The following DOK7 variants were observed in gnomAD, a reference collection of about 807,000 sequenced individuals.
DOK7 encodes the protein docking protein 7.
In DOK7, 32 loss-of-function variants were observed where a neutral mutation model predicts 30.7. The observed-to-expected ratio is 1.04, with a 90% CI of 0.79 to 1.40. The LOEUF (loss-of-function observed/expected upper bound fraction) is 1.40, where lower values mean the gene tolerates loss of function less well. Among genes scored for constraint, DOK7 ranks in the 40% most tolerant of loss-of-function variants. The probability of loss-of-function intolerance (pLI) is 0.00; values close to 1 mark genes in which losing one functional copy is unlikely to be tolerated. For synonymous variants in DOK7, 447 were observed against 324.1 expected, an observed-to-expected ratio of 1.38 and a Z score of -4.07; for missense variants, 1,007 against 699.2, an observed-to-expected ratio of 1.44 and a Z score of -4.97.
At chr4:3,475,215 T>C (rs993707684) in intron 3 of DOK7, among the ~76,000 whole-genome samples, 5 of 152,162 alleles carry the variant, frequency 3.3e-5, no homozygotes, top group Non-Finnish European at 7.3e-5. Context: ...CGTTGGGGGT[T>C]CCCTCCAGCC....
At chr4:3,483,983 C>T (rs185031447) in intron 4 of DOK7, among the ~76,000 whole-genome samples, 222 of 152,344 alleles carry the variant, frequency 1.5e-3, no homozygotes, top group Middle Eastern at 3.4e-3. Flanking sequence ...GCATTGGCCT[C>T]CCCTCCATGC....
chr4:3,500,779 A>AGGAGCAGCTGTC (rs1560242911), exon 8 of DOK7: 6 of 1,534,004 alleles, frequency 3.9e-6, no homozygotes, highest in Admixed American at 2.0e-5. Flanking sequence ...CGGGCCCGGG[A>AGGAGCAGCTGTC]GGAGCAGCTG....
At chr4:3,468,642 G>A (rs1233556175) in intron 2 of DOK7, among the ~76,000 whole-genome samples, 1 of 143,160 alleles carries the variant, frequency 7.0e-6, no homozygotes. Context: ...ATATGCCTGT[G>A]TGTGTGCATG....
At chr4:3,495,596 T>C (rs1577188654), downstream of DOK7, among the ~76,000 whole-genome samples, 1 of 152,182 alleles carries the variant, frequency 6.6e-6, no homozygotes, top group Non-Finnish European at 1.5e-5. Flanking sequence ...CAGCCCAGGG[T>C]CTCCAGCCTC....
At chr4:3,485,844 T>G (rs898760938) in intron 5 of DOK7, among the ~76,000 whole-genome samples, 186 bp downstream of exon 5, 6 of 152,232 alleles carry the variant, frequency 3.9e-5, no homozygotes, top group Admixed American at 3.9e-4. Flanking sequence ...TGCTGAGGGA[T>G]TCAGAGCAGC....
At chr4:3,489,516 A>G (rs1728033366) in intron 5 of DOK7, among the ~76,000 whole-genome samples, 161 bp from the exon 6 acceptor site, 1 of 152,034 alleles carries the variant, frequency 6.6e-6, no homozygotes, top group Non-Finnish European at 1.5e-5. Flanking sequence ...TCTGCGTTTG[A>G]GGGCCAGCCT....
At chr4:3,463,937 T>A (rs1229444483) in intron 2 of DOK7, among the ~76,000 whole-genome samples, 1 of 152,030 alleles carries the variant, frequency 6.6e-6, no homozygotes, top group Non-Finnish European at 1.5e-5. Flanking sequence ...GGGTGCTGCG[T>A]GGGTTAGCGC....
At chr4:3,478,283 G>A (rs907649963) in intron 4 of DOK7, among the ~76,000 whole-genome samples, 2 of 152,188 alleles carry the variant, frequency 1.3e-5, no homozygotes, top group East Asian at 1.9e-4. Context: ...CTCTGAGGCC[G>A]TGGAGGTTCA....
chr4:3,488,188 A>G (rs879685342), intron 5 of DOK7, among the ~76,000 whole-genome samples: 37 of 152,220 alleles, frequency 2.4e-4, no homozygotes, highest in Non-Finnish European at 3.2e-4. Context: ...TTGGGCTGGC[A>G]GGGCCCCAGG....
chr4:3,496,757 C>A (rs1056140941), downstream of DOK7: 5 of 1,519,134 alleles, frequency 3.3e-6, no homozygotes, highest in South Asian at 3.6e-5. Flanking sequence ...TCTCGGTGGC[C>A]CCCCGGGCAC....
intron 5 of DOK7, among the ~76,000 whole-genome samples, chr4:3,487,562 A>G (rs960220456): frequency 6.6e-6 from 1 of 152,214 alleles, no homozygotes; most frequent in Non-Finnish European, 1.5e-5. Flanking sequence ...GGAAGGGCTC[A>G]GAGGTCTGGG....
chr4:3,489,130 C>T (rs138297843), intron 5 of DOK7, among the ~76,000 whole-genome samples: 1,789 of 152,242 alleles, frequency 0.012, 38 homozygotes, highest in African/African-American at 0.04. Context: ...AGGGGAGGGG[C>T]TAGGTGGGGC....
intron 6 of DOK7, 84 bp from the exon 7 acceptor site, chr4:3,492,675 C>T (rs1728558430): frequency 1.3e-6 from 2 of 1,575,760 alleles, no homozygotes; most frequent in Non-Finnish European, 1.7e-6. Context: ...GAGTGCTGGC[C>T]TGTGGGGGTC....
At chr4:3,477,122 C>A (rs1727144648) in intron 4 of DOK7, among the ~76,000 whole-genome samples, 1 of 152,132 alleles carries the variant, frequency 6.6e-6, no homozygotes, top group Non-Finnish European at 1.5e-5. Context: ...GCACCCAGCC[C>A]TGCCCAGAGA....
chr4:3,473,163 C>T (rs192315288), intron 2 of DOK7, among the ~76,000 whole-genome samples: 77 of 152,348 alleles, frequency 5.1e-4, no homozygotes, highest in African/African-American at 1.8e-3. Flanking sequence ...GAGCCAGCGT[C>T]GGGGGCTGGG....
intron 4 of DOK7, chr4:3,484,586 G>C: frequency 1.0e-6 from 1 of 985,342 alleles, no homozygotes; most frequent in Non-Finnish European, 1.2e-6. Flanking sequence ...TGGCCGGGAG[G>C]GCAGCGCCCC....
intron 5 of DOK7, 25 bp downstream of exon 5, chr4:3,485,683 G>A (rs561511868): frequency 7.0e-5 from 107 of 1,530,338 alleles, no homozygotes; most frequent in Admixed American, 4.6e-4. Flanking sequence ...CTGGCCGGCC[G>A]GGGAGGGTGC....
At chr4:3,488,247 C>T (rs932679175) in intron 5 of DOK7, among the ~76,000 whole-genome samples, 1 of 152,206 alleles carries the variant, frequency 6.6e-6, no homozygotes, top group African/African-American at 2.4e-5. Flanking sequence ...GTGGGGGAGG[C>T]TCCTCCAGGC....
chr4:3,490,693 C>G (rs1451130188), intron 6 of DOK7, among the ~76,000 whole-genome samples: 1 of 104,376 alleles, frequency 9.6e-6, no homozygotes, highest in African/African-American at 3.9e-5. Context: ...TCCTTCCTTC[C>G]TTCCCCCCTC....
Sources: gnomAD v4.1 joint callset for allele counts (sites outside exome capture counted in the v4.1 genomes callset) on GRCh38, gnomAD v4.1.1 for gene constraint, MANE v1.5 for transcripts, NCBI Gene and HGNC (gene_info 2026-07-23, HGNC 2026-07-21) for gene names.